C1orf21: variants seen among roughly 807,000 people sequenced by gnomAD.
C1orf21 encodes chromosome 1 open reading frame 21.
Under a neutral mutation model 18.7 loss-of-function variants are expected in C1orf21, and 3 were observed. That is an observed-to-expected ratio of 0.16 (90% confidence interval 0.07 to 0.42). The LOEUF is 0.42. Among genes scored for constraint, C1orf21 ranks in the 10% least tolerant of loss-of-function variants. The pLI is 0.99. For missense variants in C1orf21, 104 were observed against 143.6 expected, an observed-to-expected ratio of 0.72 and a Z score of 1.41; for synonymous variants, 41 against 46.4, an observed-to-expected ratio of 0.88 and a Z score of 0.47.
chr1:184,545,800 TC>T (rs1379396641), intron 3 of C1orf21: 2 of 152,172 alleles, frequency 1.3e-5, no homozygotes, highest in Non-Finnish European at 2.9e-5. Flanking sequence ...GATTTTTGTC[TC>T]ACTTAGGTTC....
chr1:184,579,146 T>G (rs1253017990), intron 3 of C1orf21, among the ~76,000 whole-genome samples: 3 of 151,506 alleles, frequency 2.0e-5, no homozygotes, highest in Non-Finnish European at 4.4e-5. Context: ...CAAACAATTC[T>G]TGTGCTTCAG....
intron 3 of C1orf21, among the ~76,000 whole-genome samples, chr1:184,544,901 G>A (rs1349752710): frequency 3.3e-5 from 5 of 152,188 alleles, no homozygotes; most frequent in East Asian, 3.8e-4. Context: ...TGGACCTTCC[G>A]TGGGTGGCCT....
chr1:184,590,857 A>G (rs773663251), intron 4 of C1orf21, 42 bp downstream of exon 4: 5 of 1,486,380 alleles, frequency 3.4e-6, no homozygotes, highest in South Asian at 1.1e-5. Context: ...TCGGCCTTCC[A>G]TATCCATGGA....
intron 2 of C1orf21, among the ~76,000 whole-genome samples, chr1:184,498,171 A>G (rs1185470551): frequency 6.6e-6 from 1 of 152,184 alleles, no homozygotes; most frequent in Admixed American, 6.5e-5. Context: ...CCATCTGGCC[A>G]AAGGCAGCTC....
intron 3 of C1orf21, among the ~76,000 whole-genome samples, chr1:184,547,607 C>T (rs1424108639): frequency 6.6e-6 from 1 of 152,132 alleles, no homozygotes; most frequent in Non-Finnish European, 1.5e-5. Flanking sequence ...CACATGAACA[C>T]AGGAATGTTC....
intron 3 of C1orf21, chr1:184,567,368 T>C: frequency 2.0e-6 from 1 of 488,960 alleles, no homozygotes; most frequent in Non-Finnish European, 4.1e-6. Context: ...TCAGTCCACC[T>C]ACCAGCTCTT....
chr1:184,440,551 C>CT (rs543152256), intron 1 of C1orf21, among the ~76,000 whole-genome samples: 3,314 of 145,080 alleles, frequency 0.023, 93 homozygotes, highest in African/African-American at 0.07. Flanking sequence ...TGCACCTGGC[C>CT]TTTTTTTTTT....
intron 2 of C1orf21, among the ~76,000 whole-genome samples, chr1:184,478,236 A>C (rs977480530): frequency 1.3e-5 from 2 of 151,922 alleles, no homozygotes; most frequent in African/African-American, 2.4e-5. Context: ...GTTTTTTTTT[A>C]AAGTGTAATA....
intron 3 of C1orf21, among the ~76,000 whole-genome samples, chr1:184,566,255 C>G (rs1024242380): frequency 1.3e-5 from 2 of 152,108 alleles, no homozygotes; most frequent in Admixed American, 1.3e-4. Context: ...AAGTGCCCTG[C>G]TCAACAGGAA....
chr1:184,548,760 A>G (rs912613909), intron 3 of C1orf21, among the ~76,000 whole-genome samples: 5 of 152,136 alleles, frequency 3.3e-5, no homozygotes, highest in Non-Finnish European at 7.3e-5. Context: ...AGCAAATGAC[A>G]CCCTAATTGT....
At chr1:184,583,195 A>G (rs1235455972) in intron 3 of C1orf21, among the ~76,000 whole-genome samples, 1 of 152,154 alleles carries the variant, frequency 6.6e-6, no homozygotes, top group Non-Finnish European at 1.5e-5. Context: ...GGGAGATATC[A>G]AAGGGAATAA....
chr1:184,583,254 T>C (rs894894645), intron 3 of C1orf21, among the ~76,000 whole-genome samples: 4 of 152,222 alleles, frequency 2.6e-5, no homozygotes, highest in Non-Finnish European at 4.4e-5. Context: ...AGTTTGACTG[T>C]CTTCAGCATC....
chr1:184,424,630 C>G (rs1369177547), intron 1 of C1orf21, among the ~76,000 whole-genome samples: 3 of 152,106 alleles, frequency 2.0e-5, no homozygotes, highest in African/African-American at 7.2e-5. Flanking sequence ...CTCCATAAGC[C>G]TCATTATCTG....
chr1:184,443,735 AG>A (rs1656987308), intron 1 of C1orf21, among the ~76,000 whole-genome samples: 1 of 152,124 alleles, frequency 6.6e-6, no homozygotes, highest in African/African-American at 2.4e-5. Context: ...ACCACAGGGA[AG>A]GGAAGGATAG....
chr1:184,497,553 A>G (rs1435125713), intron 2 of C1orf21, among the ~76,000 whole-genome samples: 1 of 152,218 alleles, frequency 6.6e-6, no homozygotes, highest in African/African-American at 2.4e-5. Context: ...GGAGATCTGC[A>G]GTGGAAAGTC....
chr1:184,598,487 A>G (rs1659546912), intron 5 of C1orf21, 26 bp downstream of exon 5: 1 of 1,590,950 alleles, frequency 6.3e-7, no homozygotes, highest in Non-Finnish European at 8.6e-7. Context: ...AATAACCTAC[A>G]TGTTTCAAGG....
In C1orf21 at chr1:184,517,615, A is replaced by G. The variant is rs117007730; in HGVS notation, c.189+9933A>G. Among the ~76,000 whole-genome samples the G allele has an allele frequency of 6.6e-4, 101 of 152,306 alleles. 2 individuals are homozygous for G. In the East Asian group the frequency reaches 0.018, roughly 27 times the overall value. ...CTTCTCACTCTCTCCTTCTAGGGAC[A>G]GATTGGATTTGAGCACAGGCTGGGT... On this transcript the variant is annotated intron_variant, in intron 3 of 5. Transcript: ENST00000235307.
Position 184,627,967 on chromosome 1 carries a change from T to C in C1orf21, c.*8411T>C, listed in dbSNP as rs1369534085. The stretch of plus-strand genomic sequence containing the variant: ...TGCCTCCATGCCAGTTGTTAATGGC[T>C]ACATATTTGCCCTTCCCAAGGGTAT... On this transcript the variant is annotated 3_prime_UTR_variant, in exon 6 of 6. Coordinates refer to ENST00000235307, the MANE Select transcript of C1orf21 (RefSeq NM_030806.4). 6.6e-6 allele frequency: 1 copy of C among 152,236 alleles called. No individual in the cohort carries two copies. Among genetic ancestry groups the C allele is most frequent in the Non-Finnish European group, 1.5e-5 (1 of 68,036 alleles). 9.4% of individuals were successfully genotyped at this position (152,236 alleles called of 1,614,324 possible).
chr1:184,504,231 C>T (rs923635282), intron 2 of C1orf21, among the ~76,000 whole-genome samples: 1 of 152,148 alleles, frequency 6.6e-6, no homozygotes, highest in African/African-American at 2.4e-5. Flanking sequence ...AGCCACCTGA[C>T]AAGATCAACA....
Sources: gnomAD v4.1 joint callset for allele counts (sites outside exome capture counted in the v4.1 genomes callset) on GRCh38, gnomAD v4.1.1 for gene constraint, MANE v1.5 for transcripts, NCBI Gene and HGNC (gene_info 2026-07-23, HGNC 2026-07-21) for gene names.